LHFPL2: variants seen among roughly 807,000 people sequenced by gnomAD.
LHFPL2 encodes LHFPL tetraspan subfamily member 2.
In LHFPL2, 7 loss-of-function variants were observed where a neutral mutation model predicts 17.5. The observed-to-expected ratio is 0.40, with a 90% CI of 0.23 to 0.75. The LOEUF (loss-of-function observed/expected upper bound fraction) is 0.75, where lower values mean the gene tolerates loss of function less well. Among genes scored for constraint, LHFPL2 ranks in the 30% least tolerant of loss-of-function variants. LHFPL2 has a pLI of 0.37. For missense variants in LHFPL2, 241 were observed against 294.8 expected, an observed-to-expected ratio of 0.82 and a Z score of 1.34; for synonymous variants, 134 against 116.2, an observed-to-expected ratio of 1.15 and a Z score of -0.99.
intron 2 of LHFPL2, among the ~76,000 whole-genome samples, chr5:78,601,405 C>T (rs868566845): frequency 4.6e-5 from 7 of 152,172 alleles, no homozygotes; most frequent in African/African-American, 7.2e-5. Flanking sequence ...CTGAATTCCT[C>T]TGTCCAGGGG....
intron 3 of LHFPL2, among the ~76,000 whole-genome samples, chr5:78,530,047 G>C (rs1475075855): frequency 1.3e-5 from 2 of 152,190 alleles, no homozygotes; most frequent in Admixed American, 1.3e-4. Context: ...TTGGGCAAAT[G>C]CCATTTTGCC....
chr5:78,541,717 C>T (rs147526196), intron 3 of LHFPL2, among the ~76,000 whole-genome samples: 2 of 152,258 alleles, frequency 1.3e-5, no homozygotes, highest in African/African-American at 4.8e-5. Flanking sequence ...GGGGGAAGAA[C>T]ATAAAACATA....
At chr5:78,639,787 T>C (rs931770036) in intron 1 of LHFPL2, among the ~76,000 whole-genome samples, 1 of 152,252 alleles carries the variant, frequency 6.6e-6, no homozygotes, top group African/African-American at 2.4e-5. Context: ...CAGTCTGTTA[T>C]TTTTAATTCA....
chr5:78,514,793 G>A (rs1357085551), intron 3 of LHFPL2, among the ~76,000 whole-genome samples: 1 of 152,190 alleles, frequency 6.6e-6, no homozygotes, highest in African/African-American at 2.4e-5. Context: ...ACAATGTTTT[G>A]AAGAACACTA....
At chr5:78,571,387 C>A (rs937705240) in intron 2 of LHFPL2, among the ~76,000 whole-genome samples, 1 of 152,150 alleles carries the variant, frequency 6.6e-6, no homozygotes, top group Non-Finnish European at 1.5e-5. Flanking sequence ...TTCCACGCAG[C>A]CTTCTCTGAA....
intron 3 of LHFPL2, among the ~76,000 whole-genome samples, chr5:78,515,297 G>A (rs1755259126): frequency 2.0e-5 from 3 of 150,698 alleles, no homozygotes; most frequent in Admixed American, 6.6e-5. Context: ...CCCCGACATT[G>A]ACTATTTGAA....
chr5:78,603,724 T>C (rs890674457), intron 2 of LHFPL2, among the ~76,000 whole-genome samples: 1 of 152,168 alleles, frequency 6.6e-6, no homozygotes, highest in African/African-American at 2.4e-5. Context: ...CTAAAAAATT[T>C]TTTTCAGTTA....
At chr5:78,585,874 A>C (rs1225719290) in intron 2 of LHFPL2, among the ~76,000 whole-genome samples, 1 of 152,162 alleles carries the variant, frequency 6.6e-6, no homozygotes, top group Non-Finnish European at 1.5e-5. Flanking sequence ...GGGATGCATA[A>C]AGGAGCCTGC....
At chr5:78,489,661 C>T (rs146545270) in intron 4 of LHFPL2, among the ~76,000 whole-genome samples, 126 of 152,310 alleles carry the variant, frequency 8.3e-4, no homozygotes, top group Non-Finnish European at 1.2e-3. Context: ...GCCTCCACCA[C>T]GAGTGGCCAA....
chr5:78,610,286 C>A (rs1744373345), intron 2 of LHFPL2, among the ~76,000 whole-genome samples: 1 of 152,214 alleles, frequency 6.6e-6, no homozygotes, highest in African/African-American at 2.4e-5. Flanking sequence ...GGACCTTCTG[C>A]ATTCAGCACA....
At chr5:78,511,634 A>G (rs1755129628) in intron 3 of LHFPL2, among the ~76,000 whole-genome samples, 2 of 152,226 alleles carry the variant, frequency 1.3e-5, no homozygotes, top group African/African-American at 4.8e-5. Flanking sequence ...TCGAAGAGGA[A>G]GAGAAGCGGA....
intron 3 of LHFPL2, among the ~76,000 whole-genome samples, chr5:78,511,173 G>A (rs1023763770): frequency 4.6e-5 from 7 of 151,818 alleles, no homozygotes; most frequent in African/African-American, 9.7e-5. Flanking sequence ...ATTAATGACC[G>A]TTAACTAAGC....
intron 3 of LHFPL2, among the ~76,000 whole-genome samples, chr5:78,512,191 C>T (rs1252418523): frequency 6.6e-6 from 1 of 152,072 alleles, no homozygotes; most frequent in African/African-American, 2.4e-5. Flanking sequence ...ATTACAGAAA[C>T]CTGGCCACTG....
At chr5:78,619,330 A>G (rs1744741365) in intron 2 of LHFPL2, among the ~76,000 whole-genome samples, 2 of 152,010 alleles carry the variant, frequency 1.3e-5, no homozygotes, top group South Asian at 2.1e-4. Flanking sequence ...GCTGGCCCCA[A>G]TCACTTTTCT....
chr5:78,509,635 C>T (rs1755041500), intron 4 of LHFPL2, 149 bp downstream of exon 4: 5 of 758,458 alleles, frequency 6.6e-6, no homozygotes, highest in Non-Finnish European at 1.1e-5. Flanking sequence ...ACAAACGTCG[C>T]CTAGAACGGA....
chr5:78,548,978 A>G (rs1032999883), intron 3 of LHFPL2: 4 of 152,192 alleles, frequency 2.6e-5, no homozygotes, highest in African/African-American at 9.7e-5. Flanking sequence ...GTATCTGTTA[A>G]CTATTGTTGA....
At chr5:78,535,852 A>T (rs979556520) in intron 3 of LHFPL2, among the ~76,000 whole-genome samples, 3 of 152,028 alleles carry the variant, frequency 2.0e-5, no homozygotes, top group Non-Finnish European at 2.9e-5. Context: ...TCTGACACGA[A>T]CTCATAACAA....
intron 2 of LHFPL2, among the ~76,000 whole-genome samples, chr5:78,569,791 C>T (rs1756949430): frequency 6.6e-6 from 1 of 152,178 alleles, no homozygotes; most frequent in Admixed American, 6.5e-5. Context: ...TTTCCAAAGA[C>T]CTCGCGGACT....
In LHFPL2 at chr5:78,514,804, C is replaced by T. The variant is rs547175320; in HGVS notation, c.-185-4406G>A. ...ACAAACAATGTTTTGAAGAACACTA[C>T]CTTGCTTACTCACCCTGGTTCTGTT... On this transcript the variant is annotated intron_variant, in intron 3 of 4. Coordinates refer to ENST00000380345, the MANE Select transcript of LHFPL2 (RefSeq NM_005779.3). Among the ~76,000 whole-genome samples, 5 of 152,332 alleles carry T rather than the reference C, an allele frequency of 3.3e-5. No individual in the cohort carries two copies. The South Asian group carries it at 1.0e-3, about 32-fold the overall frequency.
Sources: allele counts gnomAD v4.1 joint callset (sites outside exome capture counted in the v4.1 genomes callset), GRCh38; gene constraint gnomAD v4.1.1; transcripts MANE v1.5; gene names NCBI Gene and HGNC (gene_info 2026-07-23, HGNC 2026-07-21).